The following PKP4 variants were observed in gnomAD, a reference collection of about 807,000 sequenced individuals.
PKP4 encodes plakophilin 4.
Under a neutral mutation model 145.1 loss-of-function variants are expected in PKP4, and 90 were observed. The observed-to-expected ratio is 0.62, with a 90% confidence interval of 0.52 to 0.74. The LOEUF (loss-of-function observed/expected upper bound fraction) is 0.74, where lower values mean the gene tolerates loss of function less well. Among genes scored for constraint, PKP4 ranks in the 30% least tolerant of loss-of-function variants. The pLI is 0.00. For synonymous variants in PKP4, 563 were observed against 577.2 expected (o/e 0.98, Z 0.35); for missense variants, 1,340 against 1,482.7 (o/e 0.90, Z 1.58).
At chr2:158,519,150 T>C (rs2042150840) in intron 1 of PKP4, among the ~76,000 whole-genome samples, 1 of 152,122 alleles carries the variant, frequency 6.6e-6, no homozygotes, top group South Asian at 2.1e-4. Flanking sequence ...TCTCTCTTTT[T>C]TTTTTTAATT....
intron 6 of PKP4, among the ~76,000 whole-genome samples, chr2:158,621,939 A>T (rs990911079): frequency 6.6e-6 from 1 of 152,170 alleles, no homozygotes; most frequent in African/African-American, 2.4e-5. Context: ...ATGAATTCTG[A>T]TGAGTTCCTG....
In PKP4 at chr2:158,491,610, G is replaced by A. The variant is rs373600903; in HGVS notation, c.-6+34392G>A. On this transcript the variant is annotated intron_variant, in intron 1 of 21. Coordinates refer to ENST00000389759, the MANE Select transcript of PKP4 (RefSeq NM_003628.6). ...ATTCTGGATATATATCCCTTATTAT[G>A]GCGTTACAAAAGTCTTTAATATCCC... Among the ~76,000 whole-genome samples, 4 of 151,732 alleles carry A rather than the reference G, an allele frequency of 2.6e-5. No homozygotes were observed. In the East Asian group the frequency reaches 5.8e-4, roughly 22 times the overall value.
In PKP4 at chr2:158,673,713, C is replaced by G. The variant is rs770640924; in HGVS notation, c.2961C>G (p.Val987=). The change falls in exon 18 of 22, where the codon GTC becomes GTG. Residue 987 remains valine (V), a synonymous_variant. Coordinates refer to ENST00000389759, the MANE Select transcript of PKP4 (RefSeq NM_003628.6). ...SLKVVKAAAQ[V]LNTLWQYRDL... ...AAGTGGTGAAGGCAGCAGCCCAGGT[C>G]TTGAATACATTATGGCAATATCGGG... is the stretch of plus-strand genomic sequence containing the variant. 3 of 1,613,186 alleles carry G rather than the reference C, an allele frequency of 1.9e-6. No individual in the cohort carries two copies. The highest frequency in any genetic ancestry group is 2.5e-6 in the Non-Finnish European group (3 of 1,179,590).
chr2:158,495,222 G>A (rs6737189), intron 1 of PKP4, among the ~76,000 whole-genome samples: 138,663 of 151,852 alleles, frequency 0.91, 63,352 homozygotes, highest in East Asian at 0.98. Context: ...CGTCTCAAAA[G>A]AAATAATAAA....
At chr2:158,483,544 A>G (rs1693687787) in intron 1 of PKP4, among the ~76,000 whole-genome samples, 1 of 152,200 alleles carries the variant, frequency 6.6e-6, no homozygotes, top group African/African-American at 2.4e-5. Flanking sequence ...GTAATACAGC[A>G]TCATAGAGAC....
At chr2:158,662,642 C>T in intron 13 of PKP4, 1 of 314,308 alleles carries the variant, frequency 3.2e-6, no homozygotes. Flanking sequence ...AAACACTGGG[C>T]CGGAGCCTCA....
chr2:158,550,614 A>G (rs2045539690), intron 2 of PKP4, among the ~76,000 whole-genome samples: 1 of 152,186 alleles, frequency 6.6e-6, no homozygotes, highest in Non-Finnish European at 1.5e-5. Context: ...TGTTAATGTA[A>G]GACACTGTCT....
chr2:158,472,909 CTA>C (rs1215585013), intron 1 of PKP4, among the ~76,000 whole-genome samples: 1 of 152,114 alleles, frequency 6.6e-6, no homozygotes, highest in Non-Finnish European at 1.5e-5. Context: ...TATTTGCAAA[CTA>C]TGAATCTGAC....
At chr2:158,592,429 T>C (rs2105822130) in intron 3 of PKP4, among the ~76,000 whole-genome samples, 2 of 152,178 alleles carry the variant, frequency 1.3e-5, no homozygotes, top group Middle Eastern at 6.8e-3. Context: ...TGTGAATTCA[T>C]TCCTCCTTCT....
chr2:158,532,107 G>T (rs947713586), intron 1 of PKP4, among the ~76,000 whole-genome samples: 1 of 152,124 alleles, frequency 6.6e-6, no homozygotes, highest in African/African-American at 2.4e-5. Context: ...TGAGGGAATG[G>T]GGTAACAAGT....
At chr2:158,475,822 A>G (rs1402814268) in intron 1 of PKP4, among the ~76,000 whole-genome samples, 1 of 152,214 alleles carries the variant, frequency 6.6e-6, no homozygotes, top group Non-Finnish European at 1.5e-5. Context: ...CAGATAAACT[A>G]CATGCACTGA....
At chr2:158,474,470 CG>C (rs1559190539) in intron 1 of PKP4, among the ~76,000 whole-genome samples, 1 of 152,052 alleles carries the variant, frequency 6.6e-6, no homozygotes, top group East Asian at 1.9e-4. Context: ...AGAATTACAT[CG>C]GAAGTGTCAA....
At chr2:158,592,982 C>T (rs2049405087) in intron 3 of PKP4, among the ~76,000 whole-genome samples, 1 of 152,086 alleles carries the variant, frequency 6.6e-6, no homozygotes, top group African/African-American at 2.4e-5. Flanking sequence ...AAAACAGGGC[C>T]CTTTTCTTGT....
At chr2:158,621,467 C>T (rs755967813) in intron 6 of PKP4, 46 bp downstream of exon 6, 20 of 1,518,760 alleles carry the variant, frequency 1.3e-5, no homozygotes, top group Admixed American at 3.5e-5. Context: ...ACCTTCCGGC[C>T]GGGCACAGTG....
chr2:158,495,603 A>G (rs1256158668), intron 1 of PKP4, among the ~76,000 whole-genome samples: 1 of 151,980 alleles, frequency 6.6e-6, no homozygotes. Context: ...TGGGAGGCCA[A>G]GGAGGTCCTG....
intron 7 of PKP4, 118 bp downstream of exon 7, chr2:158,625,545 T>G: frequency 1.2e-6 from 1 of 809,640 alleles, no homozygotes; most frequent in Non-Finnish European, 1.9e-6. Flanking sequence ...ATCTCAGATT[T>G]TAAACTATAA....
intron 1 of PKP4, among the ~76,000 whole-genome samples, chr2:158,473,775 T>C (rs1391140440): frequency 1.3e-5 from 2 of 152,168 alleles, no homozygotes; most frequent in African/African-American, 4.8e-5. Context: ...CTACATAACC[T>C]TCACATGTAC....
At chr2:158,484,005 G>A (rs571166282) in intron 1 of PKP4, among the ~76,000 whole-genome samples, 2 of 150,892 alleles carry the variant, frequency 1.3e-5, no homozygotes, top group East Asian at 1.9e-4. Context: ...TAACAAGAAC[G>A]TGCACAGTTG....
At chr2:158,604,660 A>T (rs1033082550) in intron 4 of PKP4, among the ~76,000 whole-genome samples, 1 of 152,044 alleles carries the variant, frequency 6.6e-6, no homozygotes, top group African/African-American at 2.4e-5. Flanking sequence ...GTCAAAATGG[A>T]GAGCCAGTTT....
Sources: allele counts gnomAD v4.1 joint callset (sites outside exome capture counted in the v4.1 genomes callset), GRCh38; gene constraint gnomAD v4.1.1; transcripts MANE v1.5; gene names NCBI Gene and HGNC (gene_info 2026-07-23, HGNC 2026-07-21).